The following CNBD1 variants were observed in gnomAD, a reference collection of about 807,000 sequenced individuals.
CNBD1 encodes cyclic nucleotide-binding domain-containing protein 1.
Under a neutral mutation model 54.4 loss-of-function variants are expected in CNBD1, and 71 were observed. That is an observed-to-expected ratio of 1.30 (90% CI 1.08 to 1.59). The LOEUF is 1.59. Ranked by LOEUF, CNBD1 falls within the 40% of genes most tolerant of loss-of-function variation. CNBD1 has a pLI of 0.00. For missense variants in CNBD1, 659 were observed against 518.0 expected, an observed-to-expected ratio of 1.27 and a Z score of -2.64; for synonymous variants, 182 against 170.7, an observed-to-expected ratio of 1.07 and a Z score of -0.51.
chr8:87,287,407 C>T (rs750003504), intron 8 of CNBD1, among the ~76,000 whole-genome samples: 3 of 152,036 alleles, frequency 2.0e-5, no homozygotes, highest in African/African-American at 2.4e-5. Context: ...GAGAGGATGG[C>T]GACCTCGACT....
chr8:87,078,074 C>A (rs1379571609), intron 4 of CNBD1, among the ~76,000 whole-genome samples: 1 of 152,112 alleles, frequency 6.6e-6, no homozygotes, highest in East Asian at 1.9e-4. Context: ...TCAATGTGTA[C>A]ATTTTGGGAG....
intron 4 of CNBD1, among the ~76,000 whole-genome samples, chr8:87,173,076 T>C (rs1396141556): frequency 6.6e-6 from 1 of 152,174 alleles, no homozygotes; most frequent in Non-Finnish European, 1.5e-5. Context: ...GGATTGTAAA[T>C]ACTACCTTAT....
intron 8 of CNBD1, among the ~76,000 whole-genome samples, chr8:87,288,069 C>T (rs1046712191): frequency 4.6e-5 from 7 of 151,868 alleles, no homozygotes; most frequent in African/African-American, 1.7e-4. Flanking sequence ...TCTAAATTCC[C>T]CATGTTTATT....
intron 4 of CNBD1, among the ~76,000 whole-genome samples, chr8:86,993,883 A>G (rs975271033): frequency 1.3e-5 from 2 of 152,160 alleles, no homozygotes; most frequent in Non-Finnish European, 2.9e-5. Flanking sequence ...CCTCATCACT[A>G]TGTCTGCTCC....
At chr8:86,931,470 C>T (rs1312702244) in intron 3 of CNBD1, among the ~76,000 whole-genome samples, 1 of 116,480 alleles carries the variant, frequency 8.6e-6, no homozygotes, top group Non-Finnish European at 1.8e-5. Flanking sequence ...GCTTATTTCT[C>T]ATTGCACATT....
At chr8:86,999,678 C>T (rs899674046) in intron 4 of CNBD1, among the ~76,000 whole-genome samples, 1 of 152,154 alleles carries the variant, frequency 6.6e-6, no homozygotes, top group Non-Finnish European at 1.5e-5. Context: ...GACACTAATC[C>T]CTTATTTCCT....
chr8:86,929,590 C>G (rs981366760), intron 3 of CNBD1, among the ~76,000 whole-genome samples: 2 of 152,164 alleles, frequency 1.3e-5, no homozygotes, highest in Non-Finnish European at 2.9e-5. Flanking sequence ...TAGTCATGCT[C>G]GATTGGTTCC....
At chr8:86,956,266 A>C (rs201166228) in intron 4 of CNBD1, among the ~76,000 whole-genome samples, 6 of 152,146 alleles carry the variant, frequency 3.9e-5, no homozygotes, top group Admixed American at 3.3e-4. Context: ...AGGTAGCATG[A>C]TGCCTCCAGC....
intron 4 of CNBD1, among the ~76,000 whole-genome samples, chr8:87,123,097 G>C (rs548938653): frequency 6.6e-6 from 1 of 151,856 alleles, no homozygotes; most frequent in East Asian, 1.9e-4. Flanking sequence ...TTGGAATTTT[G>C]ACAGAGAATG....
At chr8:86,898,389 TA>T (rs1586119967) in intron 2 of CNBD1, among the ~76,000 whole-genome samples, 2 of 152,160 alleles carry the variant, frequency 1.3e-5, no homozygotes, top group East Asian at 3.9e-4. Flanking sequence ...TTTGAATTAC[TA>T]ATTTAAAAAG....
intron 6 of CNBD1, among the ~76,000 whole-genome samples, chr8:87,260,210 G>A (rs1381645855): frequency 2.0e-5 from 3 of 152,076 alleles, no homozygotes; most frequent in Non-Finnish European, 2.9e-5. Context: ...AGCTAATTAC[G>A]ACCTGAACCC....
chr8:87,137,083 A>ATATATAT (rs1486105852), intron 4 of CNBD1, among the ~76,000 whole-genome samples: 4,849 of 91,242 alleles, frequency 0.053, 816 homozygotes, highest in African/African-American at 0.083. Context: ...TGTAAATTAT[A>ATATATAT]TATATTTATA....
intron 1 of CNBD1, among the ~76,000 whole-genome samples, chr8:86,879,924 G>A (rs541270635): frequency 2.0e-5 from 3 of 151,808 alleles, no homozygotes; most frequent in African/African-American, 7.2e-5. Flanking sequence ...CTTAGAGGGT[G>A]GTGTTCAATG....
chr8:87,333,925 A>G (rs757418736), intron 8 of CNBD1, among the ~76,000 whole-genome samples: 8 of 152,168 alleles, frequency 5.3e-5, no homozygotes, highest in Non-Finnish European at 1.0e-4. Context: ...ATAGTTTGAA[A>G]TAGTTCCTGA....
At chr8:87,225,047 C>A (rs962138164) in intron 5 of CNBD1, among the ~76,000 whole-genome samples, 11 of 151,540 alleles carry the variant, frequency 7.3e-5, no homozygotes, top group Non-Finnish European at 1.5e-4. Flanking sequence ...CTCTGTTTGT[C>A]TGTTGTTGGT....
At chr8:86,906,379 T>C (rs1809017132) in intron 3 of CNBD1, among the ~76,000 whole-genome samples, 1 of 152,172 alleles carries the variant, frequency 6.6e-6, no homozygotes, top group Non-Finnish European at 1.5e-5. Flanking sequence ...GCTCTGCCTT[T>C]TCAAGAACAA....
At chr8:87,088,025 AT>A (rs1379401774) in intron 4 of CNBD1, among the ~76,000 whole-genome samples, 1 of 152,184 alleles carries the variant, frequency 6.6e-6, no homozygotes, top group African/African-American at 2.4e-5. Flanking sequence ...ACATAAAGTC[AT>A]TTGTCACCAT....
At chr8:87,160,459 C>G (rs1473807087) in intron 4 of CNBD1, among the ~76,000 whole-genome samples, 1 of 152,048 alleles carries the variant, frequency 6.6e-6, no homozygotes, top group East Asian at 1.9e-4. Flanking sequence ...TTCTCTATGA[C>G]TTCGTTTGTT....
At chr8:87,334,959 C>T (rs1335979884) in intron 8 of CNBD1, among the ~76,000 whole-genome samples, 1 of 151,982 alleles carries the variant, frequency 6.6e-6, no homozygotes, top group Non-Finnish European at 1.5e-5. Context: ...CTCTTGACCT[C>T]ATGATCCACC....
Sources: allele counts gnomAD v4.1 joint callset (sites outside exome capture counted in the v4.1 genomes callset), GRCh38; gene constraint gnomAD v4.1.1; transcripts MANE v1.5; gene names NCBI Gene and HGNC (gene_info 2026-07-23, HGNC 2026-07-21).